The following ATP2B1 variants were observed in gnomAD, a reference collection of about 807,000 sequenced individuals.
ATP2B1 encodes ATPase plasma membrane Ca2+ transporting 1, also known as plasma membrane calcium-transporting ATPase 1.
A neutral mutation model predicts 124.2 loss-of-function variants in ATP2B1; 14 were observed. The ratio of observed to expected loss-of-function variants is 0.11; its 90% confidence interval spans 0.07 to 0.18. The LOEUF is 0.18. Among genes scored for constraint, ATP2B1 ranks in the 10% least tolerant of loss-of-function variants. The pLI is 1.00. For missense variants in ATP2B1, 763 were observed against 1,466.1 expected (o/e 0.52, Z 7.83); for synonymous variants, 449 against 492.4 (o/e 0.91, Z 1.17).
At chr12:89,620,365 AAAG>A (rs1254465302) in intron 10 of ATP2B1, 125 bp from the exon 11 acceptor site, 1 of 1,216,458 alleles carries the variant, frequency 8.2e-7, no homozygotes, top group Admixed American at 2.7e-5. Flanking sequence ...TCAACATTTT[AAAG>A]AAGGATATAG....
intron 2 of ATP2B1, among the ~76,000 whole-genome samples, chr12:89,647,920 C>T (rs1884718409): frequency 6.6e-6 from 1 of 152,170 alleles, no homozygotes; most frequent in African/African-American, 2.4e-5. Flanking sequence ...ATGTAACGTG[C>T]CTGCTCCTGC....
At chr12:89,615,778 ATG>A (rs1454836072) in intron 12 of ATP2B1, among the ~76,000 whole-genome samples, 1 of 152,198 alleles carries the variant, frequency 6.6e-6, no homozygotes, top group Non-Finnish European at 1.5e-5. Flanking sequence ...TTTTAAGCAC[ATG>A]TGTTTTAGAC....
intron 1 of ATP2B1, among the ~76,000 whole-genome samples, chr12:89,686,465 T>A (rs541489839): frequency 6.6e-6 from 1 of 152,250 alleles, no homozygotes; most frequent in East Asian, 1.9e-4. Context: ...ACTTTGTAGT[T>A]AGAATTTTTA....
At chr12:89,610,356 T>C (rs1274846418) in intron 14 of ATP2B1, 65 bp downstream of exon 14, 5 of 1,326,902 alleles carry the variant, frequency 3.8e-6, no homozygotes, top group Non-Finnish European at 5.4e-6. Flanking sequence ...TATCTATTAC[T>C]ATTCTGGGAA....
chr12:89,686,399 CCTA>C (rs1889973159), intron 1 of ATP2B1, among the ~76,000 whole-genome samples: 5 of 152,090 alleles, frequency 3.3e-5, no homozygotes, highest in African/African-American at 4.8e-5. Context: ...TCTCTTCTCC[CCTA>C]CTACAAGAAT....
intron 3 of ATP2B1, among the ~76,000 whole-genome samples, chr12:89,641,228 A>G (rs1316029180): frequency 6.6e-6 from 1 of 152,220 alleles, no homozygotes; most frequent in Admixed American, 6.5e-5. Context: ...AAAGGCAGAT[A>G]AAGAAATTTA....
At chr12:89,648,757 C>T (rs930817872) in intron 2 of ATP2B1, among the ~76,000 whole-genome samples, 1 of 152,200 alleles carries the variant, frequency 6.6e-6, no homozygotes, top group African/African-American at 2.4e-5. Flanking sequence ...TTGGGATAGC[C>T]CCTCCCATCA....
chr12:89,630,450 T>TA, intron 6 of ATP2B1, 55 bp downstream of exon 6: 1 of 1,368,280 alleles, frequency 7.3e-7, no homozygotes, highest in Non-Finnish European at 9.6e-7. Context: ...TACTAGTTCT[T>TA]ACAAATTATT....
At chr12:89,673,963 A>G (rs1324788094) in intron 1 of ATP2B1, among the ~76,000 whole-genome samples, 1 of 152,204 alleles carries the variant, frequency 6.6e-6, no homozygotes, top group Non-Finnish European at 1.5e-5. Context: ...TTATACCTGT[A>G]TACTGCATAC....
chr12:89,653,314 G>A (rs573799862), intron 2 of ATP2B1, among the ~76,000 whole-genome samples: 1 of 121,264 alleles, frequency 8.2e-6, no homozygotes, highest in East Asian at 2.5e-4. Flanking sequence ...TTTTGAGACG[G>A]AGTCTCGCTC....
At chr12:89,667,057 C>T (rs538402526) in intron 1 of ATP2B1, among the ~76,000 whole-genome samples, 1 of 151,892 alleles carries the variant, frequency 6.6e-6, no homozygotes, top group East Asian at 1.9e-4. Context: ...TTCTTTTTCT[C>T]CCCCTCCTTT....
At chr12:89,699,867 G>A (rs1050608419) in intron 1 of ATP2B1, among the ~76,000 whole-genome samples, 4 of 152,044 alleles carry the variant, frequency 2.6e-5, no homozygotes, top group Non-Finnish European at 4.4e-5. Context: ...TTGAGACAGA[G>A]ACGGTCTCCC....
At chr12:89,602,958 A>C in intron 18 of ATP2B1, 85 bp downstream of exon 18, 1 of 1,211,026 alleles carries the variant, frequency 8.3e-7, no homozygotes, top group Non-Finnish European at 1.2e-6. Flanking sequence ...CACATGTTCC[A>C]CACAAGTGAT....
intron 2 of ATP2B1, among the ~76,000 whole-genome samples, chr12:89,652,182 T>A (rs1239667754): frequency 6.6e-6 from 1 of 152,226 alleles, no homozygotes; most frequent in African/African-American, 2.4e-5. Flanking sequence ...CATGGCTGTA[T>A]ACCCAGGGCC....
intron 1 of ATP2B1, among the ~76,000 whole-genome samples, chr12:89,703,387 T>C (rs1024870975): frequency 2.0e-5 from 3 of 152,226 alleles, no homozygotes; most frequent in Non-Finnish European, 4.4e-5. Flanking sequence ...TATCAATTAG[T>C]ATGCTATCAC....
rs75857721 is a variant in ATP2B1, at chr12:89,669,551, A to C, written c.-221-13444T>G. ...GTAGTGCTTCAGCTTCCTCGTTTGT[A>C]GAATATGGATATCACCTCCATCTCA... On this transcript the variant is annotated intron_variant, in intron 1 of 20. Coordinates refer to ENST00000428670, the MANE Select transcript of ATP2B1 (RefSeq NM_001366521.1). 2.2e-3 allele frequency among the ~76,000 whole-genome samples: 340 copies of C among 152,302 alleles called. 1 individual carries two copies. Among genetic ancestry groups the C allele is most frequent in the African/African-American group, 7.7e-3 (318 of 41,562 alleles).
intron 2 of ATP2B1, among the ~76,000 whole-genome samples, chr12:89,652,579 A>T (rs1233322342): frequency 6.6e-6 from 1 of 152,200 alleles, no homozygotes; most frequent in Admixed American, 6.5e-5. Flanking sequence ...ATTTCCTTGG[A>T]CGTACAAACT....
At chr12:89,651,084 C>T (rs1233779604) in intron 2 of ATP2B1, among the ~76,000 whole-genome samples, 1 of 152,114 alleles carries the variant, frequency 6.6e-6, no homozygotes, top group Non-Finnish European at 1.5e-5. Flanking sequence ...ATTTACAGTT[C>T]CAATTTCTTT....
chr12:89,616,992 G>C lies in ATP2B1; in HGVS notation c.1877C>G (p.Pro626Arg), dbSNP rs1391976742. The change falls in exon 12 of 21, where the codon CCA (proline) becomes CGA (arginine). Residue 626 changes from proline (P) to arginine (R), a missense_variant. Physicochemically the swap from Pro to Arg is moderately radical, Grantham distance 103. This residue lies in a region of ATP2B1 where 392 missense variants were observed against 776.6 expected (regional missense o/e 0.50). Transcript: ENST00000428670. The stretch of plus-strand genomic sequence containing the variant: ...TTTTACAATATCATCACGGTCCCTT[G>C]GTCTGAATACTTTTGCCTCACCATT... The part of the protein sequence containing the change: ...SANGEAKVFR[P>R]RDRDDIVKTV... 9 of 1,613,796 alleles carry C rather than the reference G, an allele frequency of 5.6e-6. No homozygotes were observed. Among genetic ancestry groups the C allele is most frequent in the Non-Finnish European group, 7.6e-6 (9 of 1,179,958 alleles).
Sources: allele counts gnomAD v4.1 joint callset (sites outside exome capture counted in the v4.1 genomes callset), GRCh38; gene constraint gnomAD v4.1.1; regional missense constraint gnomAD v4.1.1; transcripts MANE v1.5; gene names NCBI Gene and HGNC (gene_info 2026-07-23, HGNC 2026-07-21).